The following KIAA1210 variants were observed in gnomAD, a reference collection of about 807,000 sequenced individuals.
KIAA1210 encodes the protein acrosomal protein KIAA1210.
In KIAA1210, 48 loss-of-function variants were observed where a neutral mutation model predicts 78.9. The ratio of observed to expected loss-of-function variants is 0.61; its 90% CI spans 0.48 to 0.77. The LOEUF is 0.77. Ranked by LOEUF, KIAA1210 falls within the 30% of genes least tolerant of loss-of-function variation. The pLI is 0.00. For synonymous variants in KIAA1210, 406 were observed against 404.5 expected (o/e 1.00, Z -0.04); for missense variants, 1,108 against 1,100.0 (o/e 1.01, Z -0.10).
At chrX:119,108,606 T>A in intron 4 of KIAA1210, 135 bp from the exon 5 acceptor site, 1 of 791,853 alleles carries the variant, frequency 1.3e-6, no homozygotes. Flanking sequence ...GGCTCGCGCA[T>A]GTAATCCCAG....
intron 2 of KIAA1210, among the ~76,000 whole-genome samples, chrX:119,138,432 T>A (rs1008555140): frequency 9.0e-6 from 1 of 110,662 alleles, no homozygotes; most frequent in African/African-American, 3.3e-5. Context: ...TTGGCCAGGC[T>A]GGTCTCGAAC....
Position 119,086,801 on chromosome X carries a change from C to A in KIAA1210, c.3901G>T (p.Gly1301Ter). The change falls in exon 9 of 12, where the codon GGA becomes TGA. Residue 1301 changes from glycine to a stop codon, truncating the protein, a stop_gained. Transcript: ENST00000691062. LOFTEE classifies it high-confidence loss of function. ...SNQDDVEKLF[G>*]VRLKRAPPSQ... ...GGAGGGGCTCTTTTCAGTCGAACTC[C>A]AAAAAGCTTTTCAACATCATCCTGA... 1 of 1,211,125 alleles carries A rather than the reference C, an allele frequency of 8.3e-7. No individual in the cohort carries two copies. The highest frequency in any genetic ancestry group is 1.1e-6 in the Non-Finnish European group (1 of 895,277).
chrX:119,109,880 A>C (rs908590223), intron 3 of KIAA1210, among the ~76,000 whole-genome samples: 2 of 111,831 alleles, frequency 1.8e-5, no homozygotes, highest in Non-Finnish European at 3.8e-5. Flanking sequence ...TCCCTTCCCC[A>C]AGCTTGCTAA....
chrX:119,105,437 T>C (rs762537314), intron 5 of KIAA1210, among the ~76,000 whole-genome samples: 151 of 112,249 alleles, frequency 1.3e-3, no homozygotes, highest in Non-Finnish European at 1.6e-3. Context: ...TCGTGCAAGA[T>C]CAGAATCCTG....
chrX:119,116,806 A>G lies in KIAA1210; in HGVS notation c.62-142T>C. Reference sequence around the variant, plus strand: ...GCTTGGACTCAACCCCAATGCTGACAGCACCCTTCAACATTCATTTGATTA... The same window carrying G: ...GCTTGGACTCAACCCCAATGCTGACGGCACCCTTCAACATTCATTTGATTA... On this transcript the variant is annotated intron_variant, in intron 2 of 11. Coordinates refer to ENST00000691062, the MANE Select transcript of KIAA1210 (RefSeq NM_001394962.1). 1.5e-5 allele frequency: 7 copies of G among 477,970 alleles called. No homozygotes were observed. In the South Asian group the frequency reaches 2.5e-4, roughly 17 times the overall value. 39.4% of individuals were successfully genotyped at this position (477,970 alleles called of 1,213,427 possible).
At chrX:119,111,207 C>T (rs992866050) in intron 3 of KIAA1210, among the ~76,000 whole-genome samples, 3 of 111,795 alleles carry the variant, frequency 2.7e-5, no homozygotes, top group Non-Finnish European at 5.6e-5. Flanking sequence ...GTCTCTTCAA[C>T]ATATGGTGCT....
intron 1 of KIAA1210, among the ~76,000 whole-genome samples, chrX:119,149,495 G>A (rs907422705): frequency 7.2e-5 from 8 of 111,363 alleles, no homozygotes; most frequent in Non-Finnish European, 1.1e-4. Context: ...CAATGAGTGA[G>A]GTGGGTTTCT....
upstream of KIAA1210, among the ~76,000 whole-genome samples, chrX:119,132,562 A>G (rs1928819107): frequency 9.0e-6 from 1 of 111,273 alleles, no homozygotes; most frequent in Non-Finnish European, 1.9e-5. Context: ...TAGAACATGC[A>G]AAATCCCCTT....
rs1033710578 is a variant in KIAA1210 at position 119,086,983 on chromosome X, T to C, written c.3719A>G (p.Lys1240Arg). The change falls in exon 9 of 12, where the codon AAA (lysine) becomes AGA (arginine). Residue 1240 changes from lysine (K) to arginine (R), a missense_variant. Coordinates refer to ENST00000691062, the MANE Select transcript of KIAA1210 (RefSeq NM_001394962.1). Reference sequence around the variant, plus strand: ...GGCTGGAATGCTCTTTATGGGGTTTTTGGAACCTTGGCTGAATTTCTTGGT... The same window carrying C: ...GGCTGGAATGCTCTTTATGGGGTTTCTGGAACCTTGGCTGAATTTCTTGGT... ...IKTKKFSQGS[K>R]NPIKSIPAPA... The C allele has an allele frequency of 5.0e-6, 6 of 1,209,659 alleles. No individual in the cohort carries two copies. The Admixed American group carries it at 1.3e-4, about 26-fold the overall frequency.
At chrX:119,104,027 G>A (rs183467459) in intron 6 of KIAA1210, among the ~76,000 whole-genome samples, 2 of 112,269 alleles carry the variant, frequency 1.8e-5, no homozygotes, top group African/African-American at 6.5e-5. Context: ...TGATAGTGGT[G>A]ATGATTGTAC....
intron 10 of KIAA1210, among the ~76,000 whole-genome samples, chrX:119,084,329 G>T (rs961221658): frequency 9.0e-6 from 1 of 111,160 alleles, no homozygotes; most frequent in Non-Finnish European, 1.9e-5. Flanking sequence ...TAACTTACAG[G>T]TAGGTGCCAC....
intron 3 of KIAA1210, among the ~76,000 whole-genome samples, chrX:119,114,588 G>T (rs1376529042): frequency 8.9e-6 from 1 of 112,344 alleles, no homozygotes; most frequent in African/African-American, 3.2e-5. Context: ...CTCAAATCAG[G>T]TTCAGAACCA....
At chrX:119,144,814 C>T (rs938118906) in intron 2 of KIAA1210, among the ~76,000 whole-genome samples, 4 of 111,618 alleles carry the variant, frequency 3.6e-5, no homozygotes, top group Admixed American at 9.5e-5. Flanking sequence ...AAGTAGGTAC[C>T]ATTGTTACTT....
upstream of KIAA1210, among the ~76,000 whole-genome samples, chrX:119,128,982 C>G (rs1928720831): frequency 1.8e-5 from 2 of 112,422 alleles, no homozygotes; most frequent in Non-Finnish European, 3.8e-5. Flanking sequence ...GCCAATTATT[C>G]TTTATTAACA....
At position 119,103,970 on chromosome X, in the gene KIAA1210, A is replaced by G. The variant is rs192111537; in HGVS notation, c.648+1022T>C. ...GATACGAATGGTGAATGACTGCTTA[A>G]TAGGAACGGGGTTTCCATTTTGGAG... On this transcript the variant is annotated intron_variant, in intron 6 of 11. Coordinates refer to ENST00000691062, the MANE Select transcript of KIAA1210 (RefSeq NM_001394962.1). Among the ~76,000 whole-genome samples, 14 of 112,176 alleles carry G rather than the reference A, an allele frequency of 1.2e-4. No individual in the cohort carries two copies. In the East Asian group the frequency reaches 1.9e-3, roughly 16 times the overall value.
chrX:119,146,457 G>A (rs1929170283), intron 2 of KIAA1210, among the ~76,000 whole-genome samples: 1 of 111,958 alleles, frequency 8.9e-6, no homozygotes, highest in Non-Finnish European at 1.9e-5. Flanking sequence ...ACAACAAGTG[G>A]AACATCCCTT....
chrX:119,131,019 A>G (rs1928776740), upstream of KIAA1210, among the ~76,000 whole-genome samples: 2 of 111,719 alleles, frequency 1.8e-5, no homozygotes, highest in African/African-American at 6.5e-5. Flanking sequence ...AGGTTGTTGA[A>G]TTTTTTTAAA....
In KIAA1210 at chrX:119,104,942, A is replaced by T. The variant is rs193101434; in HGVS notation, c.648+50T>A. On this transcript the variant is annotated intron_variant, in intron 6 of 11. Transcript: ENST00000691062. Reference sequence around the variant, plus strand: ...AGAATAGATGATACAAGAAGAAGTTATGCCTCTGATCTGTGAGGCCCCTCA... The same window carrying T: ...AGAATAGATGATACAAGAAGAAGTTTTGCCTCTGATCTGTGAGGCCCCTCA... 15 of 1,096,363 alleles carry T rather than the reference A, an allele frequency of 1.4e-5. No homozygotes were observed. The East Asian group carries it at 4.8e-4, about 35-fold the overall frequency. The allele number at this position is 1,096,363 out of a possible 1,213,427, so 90.4% of individuals were successfully genotyped here.
intron 2 of KIAA1210, among the ~76,000 whole-genome samples, chrX:119,120,464 A>G (rs746686439): frequency 1.5e-4 from 17 of 112,092 alleles, no homozygotes; most frequent in Non-Finnish European, 7.5e-5. Flanking sequence ...ACAATCTATA[A>G]ACACTGACTA....
Sources: gnomAD v4.1 joint callset for allele counts (sites outside exome capture counted in the v4.1 genomes callset) on GRCh38, gnomAD v4.1.1 for gene constraint, MANE v1.5 for transcripts, NCBI Gene and HGNC (gene_info 2026-07-23, HGNC 2026-07-21) for gene names.